The following EXOC1L variants were observed in gnomAD, a reference collection of about 807,000 sequenced individuals.
EXOC1L encodes the protein exocyst complex component 1 like.
EXOC1L carries 10 observed loss-of-function variants against 4.9 expected under a neutral mutation model. That is an observed-to-expected ratio of 2.02 (90% confidence interval 1.25 to 3.43). The LOEUF (loss-of-function observed/expected upper bound fraction) is 3.43, where lower values mean the gene tolerates loss of function less well. Ranked by LOEUF, EXOC1L falls within the 30% of genes most tolerant of loss-of-function variation. The pLI is 0.00. For synonymous variants in EXOC1L, 41 were observed against 20.8 expected (o/e 1.97, Z -2.63); for missense variants, 114 against 59.4 (o/e 1.92, Z -3.02).
intron 1 of EXOC1L, among the ~76,000 whole-genome samples, chr4:55,827,116 C>T (rs1222576693): frequency 6.6e-6 from 1 of 152,152 alleles, no homozygotes; most frequent in Non-Finnish European, 1.5e-5. Context: ...GCATGGCTTT[C>T]AGAATAACCT....
intron 1 of EXOC1L, among the ~76,000 whole-genome samples, chr4:55,830,847 C>A (rs1720011322): frequency 6.6e-6 from 1 of 152,164 alleles, no homozygotes; most frequent in Non-Finnish European, 1.5e-5. Context: ...AGGCAAGTGT[C>A]CACAGTTACT....
At chr4:55,830,427 T>G (rs528453216) in intron 1 of EXOC1L, among the ~76,000 whole-genome samples, 20 of 152,168 alleles carry the variant, frequency 1.3e-4, no homozygotes, top group Non-Finnish European at 1.5e-5. Flanking sequence ...CCATAAATTT[T>G]TAGAGGGCAG....
intron 1 of EXOC1L, among the ~76,000 whole-genome samples, chr4:55,822,486 T>A (rs911444349): frequency 1.3e-5 from 2 of 152,180 alleles, no homozygotes; most frequent in African/African-American, 4.8e-5. Flanking sequence ...AGGGAGGAGC[T>A]CTATTATGTG....
chr4:55,820,490 A>G (rs1719713381), intron 1 of EXOC1L, among the ~76,000 whole-genome samples: 2 of 152,206 alleles, frequency 1.3e-5, no homozygotes, highest in African/African-American at 4.8e-5. Context: ...TTAAAAATGC[A>G]ACAGAGAGCT....
intron 1 of EXOC1L, among the ~76,000 whole-genome samples, chr4:55,825,887 C>T (rs1055744465): frequency 5.9e-5 from 9 of 152,070 alleles, no homozygotes; most frequent in South Asian, 2.1e-4. Context: ...GAGTTTGAGA[C>T]GAGCCTGGCC....
chr4:55,819,821 G>A lies in EXOC1L; in HGVS notation c.-206G>A. ...CTGCCGCCGCCGCTGCTGCCACTGG[G>A]CAGATACCGCAGTGAGGGGTCTGAC... On this transcript the variant is annotated 5_prime_UTR_variant, in exon 1 of 3. Coordinates refer to ENST00000636125, the MANE Select transcript of EXOC1L (RefSeq NM_001351574.3). The A allele has an allele frequency of 2.9e-6, 1 of 350,336 alleles. No homozygotes were observed. The highest frequency in any genetic ancestry group is 5.1e-6 in the Non-Finnish European group (1 of 196,454). The allele number at this position is 350,336 out of a possible 1,614,324, so 21.7% of individuals were successfully genotyped here. A position where few individuals can be genotyped will look rare whatever the true frequency, so the allele number is the denominator to read the frequency against.
chr4:55,832,430 A>T (rs1192174867), intron 2 of EXOC1L, among the ~76,000 whole-genome samples: 2 of 151,948 alleles, frequency 1.3e-5, no homozygotes, highest in African/African-American at 2.4e-5. Flanking sequence ...CTATAGTATG[A>T]TTCAGATTTA....
chr4:55,832,714 G>A (rs886878133), intron 2 of EXOC1L, among the ~76,000 whole-genome samples: 20 of 151,988 alleles, frequency 1.3e-4, no homozygotes, highest in African/African-American at 4.3e-4. Context: ...TAAAGAGATT[G>A]ACTTGCCCAA....
At chr4:55,825,389 T>C (rs1719853684) in intron 1 of EXOC1L, among the ~76,000 whole-genome samples, 3 of 152,212 alleles carry the variant, frequency 2.0e-5, no homozygotes, top group Non-Finnish European at 2.9e-5. Context: ...TATTTTATCT[T>C]ATTTGCCACA....
chr4:55,825,297 G>A (rs1391133875), intron 1 of EXOC1L, among the ~76,000 whole-genome samples: 6 of 151,964 alleles, frequency 3.9e-5, no homozygotes, highest in East Asian at 3.9e-4. Context: ...GGTTTTTTTC[G>A]ACTTTACCAT....
In EXOC1L at chr4:55,837,068, C is replaced by A. The variant is rs775910449; in HGVS notation, c.253-17C>A. ...TTCTTGGCTACCAACTAAATCATGTCTCTCATTCTCTTCCAGGACAATCCA... is the reference window on the plus strand; with the variant it reads ...TTCTTGGCTACCAACTAAATCATGTATCTCATTCTCTTCCAGGACAATCCA... On this transcript the variant is annotated splice_polypyrimidine_tract_variant and intron_variant, in intron 2 of 2. Coordinates refer to ENST00000636125, the MANE Select transcript of EXOC1L (RefSeq NM_001351574.3). The A allele has an allele frequency of 1.5e-6, 1 of 675,670 alleles. No individual in the cohort carries two copies. Among genetic ancestry groups the A allele is most frequent in the South Asian group, 1.6e-5 (1 of 63,384 alleles). 41.9% of individuals were successfully genotyped at this position (675,670 alleles called of 1,614,324 possible). A position where few individuals can be genotyped will look rare whatever the true frequency, so the allele number is the denominator to read the frequency against.
intron 2 of EXOC1L, among the ~76,000 whole-genome samples, chr4:55,835,743 T>C (rs1319464373): frequency 6.6e-6 from 1 of 152,022 alleles, no homozygotes; most frequent in Non-Finnish European, 1.5e-5. Context: ...TCCTTGTAGA[T>C]TCTGGATATT....
At chr4:55,834,167 A>G (rs1358121276) in intron 2 of EXOC1L, among the ~76,000 whole-genome samples, 1 of 151,960 alleles carries the variant, frequency 6.6e-6, no homozygotes, top group Non-Finnish European at 1.5e-5. Context: ...ATAGAGAGCA[A>G]TTTTGAGCCA....
chr4:55,834,569 T>G (rs1359244957), intron 2 of EXOC1L, among the ~76,000 whole-genome samples: 2 of 151,934 alleles, frequency 1.3e-5, no homozygotes, highest in African/African-American at 4.8e-5. Flanking sequence ...CTCAAAGGCA[T>G]GAGGGGTATT....
chr4:55,829,031 C>A (rs1161141002), intron 1 of EXOC1L, among the ~76,000 whole-genome samples: 2 of 152,084 alleles, frequency 1.3e-5, no homozygotes, highest in Non-Finnish European at 2.9e-5. Flanking sequence ...TTTTTCCACC[C>A]AACCAACTCA....
At chr4:55,836,318 T>G (rs753864649) in intron 2 of EXOC1L, among the ~76,000 whole-genome samples, 1 of 151,916 alleles carries the variant, frequency 6.6e-6, no homozygotes, top group Non-Finnish European at 1.5e-5. Context: ...AACATGATGA[T>G]AAATAATGCG....
At chr4:55,824,022 T>C (rs2110280511) in intron 1 of EXOC1L, among the ~76,000 whole-genome samples, 2 of 152,234 alleles carry the variant, frequency 1.3e-5, no homozygotes, top group South Asian at 4.1e-4. Flanking sequence ...AAATATAGGA[T>C]TGATTTCCAA....
At chr4:55,833,951 C>T (rs1210798175) in intron 2 of EXOC1L, among the ~76,000 whole-genome samples, 2 of 151,852 alleles carry the variant, frequency 1.3e-5, no homozygotes, top group Admixed American at 1.3e-4. Context: ...AAGAGTAGTT[C>T]TTGCAAGGTT....
chr4:55,828,162 A>T (rs1719932015), intron 1 of EXOC1L, among the ~76,000 whole-genome samples: 1 of 152,150 alleles, frequency 6.6e-6, no homozygotes, highest in Admixed American at 6.5e-5. Flanking sequence ...CATAGCCTTT[A>T]GTCTTCCTTC....
Sources: allele counts gnomAD v4.1 joint callset (sites outside exome capture counted in the v4.1 genomes callset), GRCh38; gene constraint gnomAD v4.1.1; transcripts MANE v1.5; gene names NCBI Gene and HGNC (gene_info 2026-07-23, HGNC 2026-07-21).